Variants in ARGLU1 observed in about 807,000 individuals in gnomAD.
ARGLU1 encodes the protein arginine and glutamate rich 1, also known as arginine and glutamate-rich protein 1.
A neutral mutation model predicts 37.6 loss-of-function variants in ARGLU1; 9 were observed. The ratio of observed to expected loss-of-function variants is 0.24; its 90% CI spans 0.14 to 0.42. The LOEUF (loss-of-function observed/expected upper bound fraction) is 0.42, where lower values mean the gene tolerates loss of function less well. ARGLU1 is among the 10% of genes least tolerant of loss of function. The pLI, the probability that ARGLU1 is intolerant of heterozygous loss-of-function variation, is 1.00. For missense variants in ARGLU1, 211 were observed against 359.2 expected (o/e 0.59, Z 3.34); for synonymous variants, 166 against 138.5 (o/e 1.20, Z -1.39).
chr13:106,542,595 C>A lies in ARGLU1; in HGVS notation c.*1401G>T, dbSNP rs567658041. 1 of 152,144 alleles carries A rather than the reference C, an allele frequency of 6.6e-6. No homozygotes were observed. Among genetic ancestry groups the A allele is most frequent in the African/African-American group, 2.4e-5 (1 of 41,550 alleles). The allele number at this position is 152,144 out of a possible 1,614,324, so 9.4% of individuals were successfully genotyped here. ...AAAATAATCTACCATTTAGTCATCT[C>A]TTTAGCTTATGTTTTCAATTTTTAA... On this transcript the variant is annotated 3_prime_UTR_variant, in exon 4 of 4. Coordinates refer to ENST00000400198, the MANE Select transcript of ARGLU1 (RefSeq NM_018011.4).
At chr13:106,556,935 G>A (rs1880674419) in intron 3 of ARGLU1, 113 bp downstream of exon 3, 1 of 872,570 alleles carries the variant, frequency 1.1e-6, no homozygotes, top group Non-Finnish European at 1.8e-6. Context: ...AGTTAGTCCT[G>A]AGAATCCCCC....
chr13:106,567,568 C>G lies in ARGLU1; in HGVS notation c.347+5G>C, dbSNP rs773095667. The G allele has an allele frequency of 6.3e-7, 1 of 1,598,206 alleles. No individual in the cohort carries two copies. Among genetic ancestry groups the G allele is most frequent in the Non-Finnish European group, 8.6e-7 (1 of 1,165,994 alleles). ...GCCCCGGTCCCTCCCCGCGCGGGCA[C>G]TCACATTTTTCGCTGCCGCTCGAAC... On this transcript the variant is annotated splice_donor_5th_base_variant and intron_variant, in intron 1 of 3. Coordinates refer to ENST00000400198, the MANE Select transcript of ARGLU1 (RefSeq NM_018011.4). The surrounding 1 kb of genome is among the most constrained non-coding windows in gnomAD (Gnocchi z 4.3).
At chr13:106,556,903 C>A (rs1276504069) in intron 3 of ARGLU1, 145 bp downstream of exon 3, 9 of 645,978 alleles carry the variant, frequency 1.4e-5, no homozygotes, top group Non-Finnish European at 1.9e-5. Flanking sequence ...TTGTTCCTAT[C>A]CTTGCCTCAA....
At chr13:106,562,939 C>T (rs138556127) in intron 1 of ARGLU1, among the ~76,000 whole-genome samples, 413 of 144,894 alleles carry the variant, frequency 2.9e-3, no homozygotes, top group African/African-American at 0.01. Flanking sequence ...GCTGAGATTG[C>T]GCCACTGCAC....
intron 3 of ARGLU1, among the ~76,000 whole-genome samples, chr13:106,550,571 A>G (rs920327777): frequency 1.3e-5 from 2 of 152,216 alleles, no homozygotes; most frequent in Non-Finnish European, 2.9e-5. Flanking sequence ...TTGCTCTACT[A>G]TAAGATACCC....
chr13:106,560,234 T>C (rs1162561410), intron 1 of ARGLU1, among the ~76,000 whole-genome samples: 1 of 152,216 alleles, frequency 6.6e-6, no homozygotes, highest in East Asian at 1.9e-4. Flanking sequence ...TTCCTTACTA[T>C]GTCTTTTCTT....
At chr13:106,558,879 G>T (rs1057021680) in intron 2 of ARGLU1, 1 of 985,272 alleles carries the variant, frequency 1.0e-6, no homozygotes, top group Admixed American at 6.2e-5. Context: ...CAGAATGCTA[G>T]AATTAGTCCA....
At chr13:106,555,929 T>C (rs1020749173) in intron 3 of ARGLU1, among the ~76,000 whole-genome samples, 3 of 152,176 alleles carry the variant, frequency 2.0e-5, no homozygotes, top group South Asian at 2.1e-4. Flanking sequence ...CTGTCAACCA[T>C]ATTTTTTTCT....
At position 106,543,667 on chromosome 13, in the gene ARGLU1, G is replaced by T. The variant is rs1208175598; in HGVS notation, c.*329C>A. The T allele has an allele frequency of 5.5e-6, 1 of 180,340 alleles. No homozygotes were observed. The highest frequency in any genetic ancestry group is 6.2e-5 in the Admixed American group (1 of 16,024). 11.2% of individuals were successfully genotyped at this position (180,340 alleles called of 1,614,324 possible). On this transcript the variant is annotated 3_prime_UTR_variant, in exon 4 of 4. Transcript: ENST00000400198. ...GATGTAGCAAACAGAGTATAACTCT[G>T]AAGTCAGTGGGGTCAGTAAAAGCCT...
chr13:106,560,817 T>C (rs1880780215), intron 1 of ARGLU1, among the ~76,000 whole-genome samples: 1 of 152,170 alleles, frequency 6.6e-6, no homozygotes, highest in Non-Finnish European at 1.5e-5. Flanking sequence ...GATCACTCAT[T>C]TGACATCCAT....
At chr13:106,562,426 A>G (rs916148972) in intron 1 of ARGLU1, among the ~76,000 whole-genome samples, 8 of 152,178 alleles carry the variant, frequency 5.3e-5, no homozygotes, top group African/African-American at 1.7e-4. Flanking sequence ...GCCTACTCCC[A>G]TAAGAGGCAC....
At chr13:106,561,255 G>C (rs1249201929) in intron 1 of ARGLU1, among the ~76,000 whole-genome samples, 1 of 152,090 alleles carries the variant, frequency 6.6e-6, no homozygotes, top group Non-Finnish European at 1.5e-5. Flanking sequence ...AACTTCAATA[G>C]AAATTAAATC....
In ARGLU1 at chr13:106,567,507, G is replaced by T. The variant is rs961809637; in HGVS notation, c.347+66C>A. 3.5e-4 allele frequency: 418 copies of T among 1,188,516 alleles called. No homozygotes were observed. Among genetic ancestry groups the T allele is most frequent in the Non-Finnish European group, 5.0e-4 (406 of 809,374 alleles). The allele number at this position is 1,188,516 out of a possible 1,614,324, so 73.6% of individuals were successfully genotyped here. ...TCCCGGCCCGCACCGTCCCGCCCCGGCCCCACGCCCTCGCCCCGCGCCCTG... is the reference window on the plus strand; with the variant it reads ...TCCCGGCCCGCACCGTCCCGCCCCGTCCCCACGCCCTCGCCCCGCGCCCTG... On this transcript the variant is annotated intron_variant, in intron 1 of 3. Coordinates refer to ENST00000400198, the MANE Select transcript of ARGLU1 (RefSeq NM_018011.4). This position sits in a 1 kb window ranked among gnomAD's most constrained non-coding sequence, Gnocchi z 4.3.
rs574876503 is a variant in ARGLU1, at chr13:106,563,575, A to G, written c.348-3918T>C. Reference sequence around the variant, plus strand: ...TCCCAGCACTTTGGGAGGCTGAGGTAGAAGGATTACTTGAGGCCAGGAGTT... The same window carrying G: ...TCCCAGCACTTTGGGAGGCTGAGGTGGAAGGATTACTTGAGGCCAGGAGTT... On this transcript the variant is annotated intron_variant, in intron 1 of 3. Transcript: ENST00000400198. Among the ~76,000 whole-genome samples the G allele has an allele frequency of 6.2e-4, 94 of 152,308 alleles. 1 individual carries two copies. Among genetic ancestry groups the G allele is most frequent in the Middle Eastern group, 3.4e-3 (1 of 294 alleles).
At chr13:106,558,492 A>C (rs899715704) in intron 2 of ARGLU1, 1 of 985,342 alleles carries the variant, frequency 1.0e-6, no homozygotes, top group African/African-American at 1.7e-5. Context: ...GATTTCCTAC[A>C]TCACACACCA....
chr13:106,542,496 T>C lies in ARGLU1; in HGVS notation c.*1500A>G, dbSNP rs1880287369. 6.6e-6 allele frequency: 1 copy of C among 152,146 alleles called. No individual in the cohort carries two copies. The highest frequency in any genetic ancestry group is 1.5e-5 in the Non-Finnish European group (1 of 67,982). The allele number at this position is 152,146 out of a possible 1,614,324, so 9.4% of individuals were successfully genotyped here. On this transcript the variant is annotated 3_prime_UTR_variant, in exon 4 of 4. Transcript: ENST00000400198. ...AAAGATCTTTAAACTGATTTTATAT[T>C]GTTCCTTACCACAATTAGACTCATT...
chr13:106,544,181 T>A (rs1344648258), intron 3 of ARGLU1, 21 bp from the exon 4 acceptor site: 1 of 1,525,682 alleles, frequency 6.6e-7, no homozygotes, highest in Non-Finnish European at 8.7e-7. Flanking sequence ...AAAGTAAAAA[T>A]TAATTATAGA....
At chr13:106,556,434 A>G (rs1594191975) in intron 3 of ARGLU1, among the ~76,000 whole-genome samples, 1 of 152,138 alleles carries the variant, frequency 6.6e-6, no homozygotes, top group East Asian at 1.9e-4. Context: ...CTTCATCCCT[A>G]CTCTCAATGG....
intron 1 of ARGLU1, among the ~76,000 whole-genome samples, chr13:106,563,359 C>A (rs1227725423): frequency 6.6e-6 from 1 of 152,180 alleles, no homozygotes; most frequent in Non-Finnish European, 1.5e-5. Context: ...CTCGAGCACA[C>A]TGGATGTTGC....
Sources: gnomAD v4.1 joint callset for allele counts (sites outside exome capture counted in the v4.1 genomes callset) on GRCh38, gnomAD v4.1.1 for gene constraint, Gnocchi (gnomAD v3.1) non-coding constraint, MANE v1.5 for transcripts, NCBI Gene and HGNC (gene_info 2026-07-23, HGNC 2026-07-21) for gene names.